Variants in KIAA0825 observed in about 807,000 individuals in gnomAD.
The protein encoded by KIAA0825 is uncharacterized protein KIAA0825.
A neutral mutation model predicts 147.6 loss-of-function variants in KIAA0825; 119 were observed. That is an observed-to-expected ratio of 0.81 (90% confidence interval 0.69 to 0.94). KIAA0825 has a LOEUF of 0.94. Ranked by LOEUF, KIAA0825 falls within the 40% of genes least tolerant of loss-of-function variation. KIAA0825 has a pLI of 0.00. For missense variants in KIAA0825, 1,381 were observed against 1,472.7 expected (o/e 0.94, Z 1.02); for synonymous variants, 470 against 518.1 (o/e 0.91, Z 1.26).
chr5:94,587,483 C>T (rs965794285), intron 1 of KIAA0825, among the ~76,000 whole-genome samples: 1 of 152,120 alleles, frequency 6.6e-6, no homozygotes, highest in East Asian at 1.9e-4. Context: ...ATCCAGCTTA[C>T]AAGGGATGTG....
intron 20 of KIAA0825, among the ~76,000 whole-genome samples, chr5:94,246,561 G>A (rs546410105): frequency 5.3e-4 from 80 of 152,190 alleles, no homozygotes; most frequent in African/African-American, 1.9e-3. Flanking sequence ...TGTTACATAT[G>A]CATTACCTTG....
chr5:94,330,331 A>G (rs6873007), intron 20 of KIAA0825, among the ~76,000 whole-genome samples: 4,475 of 152,260 alleles, frequency 0.029, 191 homozygotes, highest in African/African-American at 0.1. Context: ...CCGTATAACA[A>G]AATGTAACAT....
chr5:94,504,628 G>C (rs1478200167), intron 5 of KIAA0825, among the ~76,000 whole-genome samples: 4 of 151,852 alleles, frequency 2.6e-5, no homozygotes, highest in African/African-American at 9.7e-5. Flanking sequence ...GTATATATAT[G>C]TTCTTTCCCA....
intron 2 of KIAA0825, among the ~76,000 whole-genome samples, chr5:94,545,644 C>G (rs1054930003): frequency 6.6e-6 from 1 of 152,044 alleles, no homozygotes; most frequent in African/African-American, 2.4e-5. Flanking sequence ...TGAGAAGGAC[C>G]CAGTCCTGGC....
chr5:94,346,493 G>A (rs576825313), intron 20 of KIAA0825, among the ~76,000 whole-genome samples: 2 of 152,162 alleles, frequency 1.3e-5, no homozygotes, highest in African/African-American at 4.8e-5. Flanking sequence ...CCCCAAAACT[G>A]TGAGTGCCCC....
chr5:94,593,530 T>G (rs1196572766), intron 1 of KIAA0825: 2 of 606,414 alleles, frequency 3.3e-6, no homozygotes, highest in Non-Finnish European at 6.2e-6. Flanking sequence ...CTTTGTAAAG[T>G]TTTTTGTAGC....
intron 20 of KIAA0825, among the ~76,000 whole-genome samples, chr5:94,343,509 G>A (rs1368684828): frequency 6.6e-6 from 1 of 152,102 alleles, no homozygotes; most frequent in Non-Finnish European, 1.5e-5. Flanking sequence ...CTAACACAGT[G>A]AAACCCAGTC....
intron 1 of KIAA0825, among the ~76,000 whole-genome samples, chr5:94,598,916 T>C (rs1304208833): frequency 1.3e-5 from 2 of 152,162 alleles, no homozygotes; most frequent in Admixed American, 6.5e-5. Context: ...CTATTGTGAA[T>C]AGTGCTGCAA....
At chr5:94,449,567 C>A (rs1469051899) in intron 13 of KIAA0825, among the ~76,000 whole-genome samples, 1 of 151,922 alleles carries the variant, frequency 6.6e-6, no homozygotes, top group Non-Finnish European at 1.5e-5. Context: ...GCATGAAGGA[C>A]AAGGGAAGAA....
chr5:94,312,839 T>C (rs765037287), intron 20 of KIAA0825, among the ~76,000 whole-genome samples: 2 of 151,632 alleles, frequency 1.3e-5, no homozygotes, highest in Non-Finnish European at 3.0e-5. Flanking sequence ...CACAAACTCC[T>C]CCTAAATCAA....
At position 94,461,722 on chromosome 5, in the gene KIAA0825, T is replaced by C. The variant is rs539339354; in HGVS notation, c.2246+665A>G. On this transcript the variant is annotated intron_variant, in intron 12 of 20. Coordinates refer to ENST00000682413, the MANE Select transcript of KIAA0825 (RefSeq NM_001145678.3). ...ACTTGACCTAATTTATCCTTAGAAATAGACATATGTGAAATTTTTACTACC... is the reference window on the plus strand; with the variant it reads ...ACTTGACCTAATTTATCCTTAGAAACAGACATATGTGAAATTTTTACTACC... Among the ~76,000 whole-genome samples the C allele has an allele frequency of 1.2e-4, 19 of 152,028 alleles. No homozygotes were observed. In the South Asian group the frequency reaches 3.5e-3, roughly 28 times the overall value.
chr5:94,609,410 T>G (rs1788269202), intron 1 of KIAA0825, among the ~76,000 whole-genome samples: 1 of 152,156 alleles, frequency 6.6e-6, no homozygotes, highest in South Asian at 2.1e-4. Context: ...GTTTAAATAT[T>G]GTCAAAAATA....
chr5:94,491,394 A>C (rs886119687), intron 5 of KIAA0825, among the ~76,000 whole-genome samples: 2 of 152,188 alleles, frequency 1.3e-5, no homozygotes, highest in African/African-American at 4.8e-5. Context: ...TACTTCTCCC[A>C]GGACCCAAGT....
chr5:94,415,780 TAGGAGCAAGAAAC>T (rs1294339053), intron 15 of KIAA0825: 1 of 152,150 alleles, frequency 6.6e-6, no homozygotes, highest in Non-Finnish European at 1.5e-5. Flanking sequence ...GATGTCAAAT[TAGGAGCAAGAAAC>T]AGTTTTATTT....
intron 14 of KIAA0825, among the ~76,000 whole-genome samples, chr5:94,418,259 A>C (rs1374878035): frequency 2.0e-5 from 3 of 152,044 alleles, no homozygotes; most frequent in African/African-American, 7.2e-5. Flanking sequence ...TTCCTCTTGA[A>C]ATTTTTTTCC....
At position 94,175,635 on chromosome 5, in the gene KIAA0825, C is replaced by A. The variant is rs554206293; in HGVS notation, c.3711-21511G>T. ...TAAGTTTCTCTCCCTTATTTAAATT[C>A]TAACTTCAAATGTAACAGTTGACTA... is the stretch of plus-strand genomic sequence containing the variant. On this transcript the variant is annotated intron_variant, in intron 20 of 20. Coordinates refer to ENST00000682413, the MANE Select transcript of KIAA0825 (RefSeq NM_001145678.3). 2.0e-4 allele frequency among the ~76,000 whole-genome samples: 30 copies of A among 152,258 alleles called. 1 individual carries two copies. The South Asian group carries it at 6.2e-3, about 32-fold the overall frequency.
chr5:94,585,003 C>T (rs1317167604), intron 1 of KIAA0825, among the ~76,000 whole-genome samples: 1 of 152,128 alleles, frequency 6.6e-6, no homozygotes, highest in Non-Finnish European at 1.5e-5. Flanking sequence ...GAGATTTTGT[C>T]ACCACCAGGC....
intron 13 of KIAA0825, among the ~76,000 whole-genome samples, chr5:94,451,783 C>T (rs993173282): frequency 1.2e-4 from 18 of 152,010 alleles, no homozygotes; most frequent in African/African-American, 2.4e-4. Context: ...AAGATAAAAG[C>T]GGGCAGTAAA....
chr5:94,331,517 T>A (rs2150291275), intron 20 of KIAA0825, among the ~76,000 whole-genome samples: 1 of 152,344 alleles, frequency 6.6e-6, no homozygotes, highest in Admixed American at 6.5e-5. Flanking sequence ...GCCATTTCTA[T>A]GTAATCTCTT....
Sources: gnomAD v4.1 joint callset for allele counts (sites outside exome capture counted in the v4.1 genomes callset) on GRCh38, gnomAD v4.1.1 for gene constraint, MANE v1.5 for transcripts, NCBI Gene and HGNC (gene_info 2026-07-23, HGNC 2026-07-21) for gene names.